PCNX1: variants seen among roughly 807,000 people sequenced by gnomAD.
PCNX1 encodes the protein pecanex-like protein 1.
In PCNX1, 78 loss-of-function variants were observed where a neutral mutation model predicts 242.2. That is an observed-to-expected ratio of 0.32 (90% confidence interval 0.27 to 0.39). The LOEUF (loss-of-function observed/expected upper bound fraction) is 0.39, where lower values mean the gene tolerates loss of function less well. Among genes scored for constraint, PCNX1 ranks in the 10% least tolerant of loss-of-function variants. The pLI is 1.00. For synonymous variants in PCNX1, 1,024 were observed against 1,032.9 expected, an observed-to-expected ratio of 0.99 and a Z score of 0.17; for missense variants, 2,581 against 2,856.5, an observed-to-expected ratio of 0.90 and a Z score of 2.20.
At chr14:71,084,391 C>G (rs545395586) in intron 28 of PCNX1, among the ~76,000 whole-genome samples, 3 of 152,188 alleles carry the variant, frequency 2.0e-5, no homozygotes, top group African/African-American at 7.2e-5. Context: ...CTGGGAGATC[C>G]GCTGCTCTCT....
Position 71,076,365 on chromosome 14 carries a change from T to C in PCNX1, c.5283T>C (p.Ser1761=). 1 of 1,613,224 alleles carries C rather than the reference T, an allele frequency of 6.2e-7. No individual in the cohort carries two copies. The highest frequency in any genetic ancestry group is 8.5e-7 in the Non-Finnish European group (1 of 1,179,666). The change falls in exon 28 of 36, where the codon AGT becomes AGC. Residue 1761 remains serine, a synonymous_variant. Transcript: ENST00000304743. The stretch of plus-strand genomic sequence containing the variant: ...GACTGGCAGGCATATCTAGGGAGAG[T>C]TTCTGTGTGATTTACCTCAACTGGA... ...DHRLAGISRE[S]FCVIYLNWIE...
chr14:71,040,884 G>A (rs11848070), intron 19 of PCNX1, among the ~76,000 whole-genome samples: 125,793 of 151,830 alleles, frequency 0.83, 52,830 homozygotes, highest in East Asian at 0.96. Flanking sequence ...TTCTATTTCC[G>A]TGAGTTCATT....
In PCNX1 at chr14:71,109,942, G is replaced by A; in HGVS notation, c.*7G>A. The A allele has an allele frequency of 1.2e-6, 2 of 1,612,326 alleles. No individual in the cohort carries two copies. The highest frequency in any genetic ancestry group is 1.3e-5 in the African/African-American group (1 of 74,960). ...ACTTGGGGCTGAAGTGTGAGCCAGTGTTTATTATAAAGACATTTCTTTTTC... is the reference window on the plus strand; with the variant it reads ...ACTTGGGGCTGAAGTGTGAGCCAGTATTTATTATAAAGACATTTCTTTTTC... On this transcript the variant is annotated 3_prime_UTR_variant, in exon 36 of 36. Coordinates refer to ENST00000304743, the MANE Select transcript of PCNX1 (RefSeq NM_014982.3).
chr14:70,930,460 A>G lies in PCNX1; in HGVS notation c.154-16455A>G, dbSNP rs78316910. ...TGATGTGGCATAAATTTTGACTGTT[A>G]CCTCCCTAAGAACAGCATTCTATTG... On this transcript the variant is annotated intron_variant, in intron 1 of 35. Transcript: ENST00000304743. 5.4e-4 allele frequency among the ~76,000 whole-genome samples: 82 copies of G among 152,268 alleles called. 1 individual carries two copies. In the East Asian group the frequency reaches 0.015, roughly 29 times the overall value.
intron 15 of PCNX1, among the ~76,000 whole-genome samples, chr14:71,028,241 C>T (rs553002340): frequency 6.6e-6 from 1 of 151,978 alleles, no homozygotes; most frequent in South Asian, 2.1e-4. Flanking sequence ...GCAATTAGAT[C>T]TACACTTTTT....
chr14:70,945,140 G>T (rs577863532), intron 1 of PCNX1, among the ~76,000 whole-genome samples: 1 of 152,100 alleles, frequency 6.6e-6, no homozygotes, highest in Non-Finnish European at 1.5e-5. Context: ...ACCAGCCCCG[G>T]CTCCTGAGGC....
chr14:71,109,306 A>G (rs144581095), intron 34 of PCNX1, 146 bp from the exon 35 acceptor site: 157 of 803,124 alleles, frequency 2.0e-4, no homozygotes, highest in Non-Finnish European at 2.4e-4. Context: ...AAAGAATTCA[A>G]GATGTAGCTC....
intron 19 of PCNX1, among the ~76,000 whole-genome samples, chr14:71,041,223 C>T (rs2060694252): frequency 1.3e-5 from 2 of 152,096 alleles, no homozygotes; most frequent in Non-Finnish European, 2.9e-5. Flanking sequence ...TATGGTAACT[C>T]TATTTTTAGT....
At chr14:70,948,467 A>T (rs1245164885) in intron 2 of PCNX1, among the ~76,000 whole-genome samples, 1 of 152,108 alleles carries the variant, frequency 6.6e-6, no homozygotes, top group Non-Finnish European at 1.5e-5. Context: ...ATAGTTACTT[A>T]CACTAGAGAC....
At chr14:70,975,393 A>G (rs1298206197) in intron 5 of PCNX1, among the ~76,000 whole-genome samples, 1 of 152,198 alleles carries the variant, frequency 6.6e-6, no homozygotes, top group Non-Finnish European at 1.5e-5. Context: ...GTGTAATTGG[A>G]CATTTATACA....
chr14:70,998,407 G>A (rs1334777615), intron 8 of PCNX1, among the ~76,000 whole-genome samples: 1 of 151,944 alleles, frequency 6.6e-6, no homozygotes, highest in Non-Finnish European at 1.5e-5. Context: ...AAGCAAAATT[G>A]TTAATCATGA....
At chr14:71,088,123 G>A (rs532285671) in intron 28 of PCNX1, among the ~76,000 whole-genome samples, 8 of 151,964 alleles carry the variant, frequency 5.3e-5, no homozygotes, top group Admixed American at 2.6e-4. Flanking sequence ...CCGTTATTAT[G>A]AAATTTTAGA....
Position 71,021,473 on chromosome 14 carries a change from C to T in PCNX1, c.3151-1727C>T, listed in dbSNP as rs1595271331. On this transcript the variant is annotated intron_variant, in intron 12 of 35. Coordinates refer to ENST00000304743, the MANE Select transcript of PCNX1 (RefSeq NM_014982.3). ...GTAGTTCTCCTTGAAGAGAAGCCCT[C>T]CCACAGCTGGAAAACCATTGACATA... Among the ~76,000 whole-genome samples the T allele has an allele frequency of 2.0e-5, 3 of 151,998 alleles. No individual in the cohort carries two copies. In the East Asian group the frequency reaches 5.8e-4, roughly 29 times the overall value.
At chr14:71,038,228 T>C (rs200977525) in intron 19 of PCNX1, among the ~76,000 whole-genome samples, 2 of 71,654 alleles carry the variant, frequency 2.8e-5, no homozygotes, top group Non-Finnish European at 5.5e-5. Context: ...ACAAATGGGA[T>C]CTAATTAAAC....
intron 26 of PCNX1, among the ~76,000 whole-genome samples, chr14:71,067,728 C>T (rs2061484359): frequency 6.6e-6 from 1 of 152,110 alleles, no homozygotes; most frequent in African/African-American, 2.4e-5. Flanking sequence ...TCTCTGCTCT[C>T]TCTTGTGGGC....
chr14:71,036,240 G>T, intron 19 of PCNX1, 83 bp downstream of exon 19: 1 of 858,816 alleles, frequency 1.2e-6, no homozygotes, highest in Non-Finnish European at 2.0e-6. Context: ...GTGCAGTGTT[G>T]CGATCACAGT....
At chr14:71,062,186 C>G (rs1055075829) in intron 26 of PCNX1, among the ~76,000 whole-genome samples, 3 of 152,124 alleles carry the variant, frequency 2.0e-5, no homozygotes, top group Non-Finnish European at 4.4e-5. Flanking sequence ...AGAAGAGCCT[C>G]AGGCAGGTCC....
intron 5 of PCNX1, among the ~76,000 whole-genome samples, chr14:70,973,762 T>C (rs2058609780): frequency 6.6e-6 from 1 of 152,104 alleles, no homozygotes; most frequent in South Asian, 2.1e-4. Context: ...AAAAGTAACA[T>C]ATATGTTAAC....
chr14:71,022,319 G>A (rs2060126031), intron 12 of PCNX1, among the ~76,000 whole-genome samples: 1 of 152,132 alleles, frequency 6.6e-6, no homozygotes, highest in Non-Finnish European at 1.5e-5. Context: ...TCAGGTTAAT[G>A]TGGTTAAATA....
Sources: allele counts gnomAD v4.1 joint callset (sites outside exome capture counted in the v4.1 genomes callset), GRCh38; gene constraint gnomAD v4.1.1; transcripts MANE v1.5; gene names NCBI Gene and HGNC (gene_info 2026-07-23, HGNC 2026-07-21).